Variants in GPHN observed in about 807,000 individuals in gnomAD.
GPHN encodes the protein gephyrin.
In GPHN, 17 loss-of-function variants were observed where a neutral mutation model predicts 95.5. That is an observed-to-expected ratio of 0.18 (90% confidence interval 0.12 to 0.27). The LOEUF is 0.27. Among genes scored for constraint, GPHN ranks in the 10% least tolerant of loss-of-function variants. The pLI is 1.00. For synonymous variants in GPHN, 320 were observed against 322.5 expected (o/e 0.99, Z 0.08); for missense variants, 660 against 978.1 (o/e 0.67, Z 4.34).
intron 4 of GPHN, among the ~76,000 whole-genome samples, chr14:66,844,485 T>C (rs2062234739): frequency 6.6e-6 from 1 of 152,100 alleles, no homozygotes; most frequent in Admixed American, 6.5e-5. Context: ...TATAGAGATT[T>C]GAAGTGTTTT....
intron 8 of GPHN, among the ~76,000 whole-genome samples, chr14:66,937,572 G>A (rs2067199029): frequency 1.3e-5 from 2 of 151,958 alleles, no homozygotes; most frequent in Non-Finnish European, 2.9e-5. Context: ...TACAGACAGG[G>A]TTTCACCATG....
the GPHN span, among the ~76,000 whole-genome samples, chr14:67,306,932 T>A: frequency 8.5e-5 from 13 of 152,232 alleles, no homozygotes; most frequent in African/African-American, 3.1e-4. Context: ...CAGCAGCAGA[T>A]ATCTTCCTGA....
chr14:66,741,929 C>T (rs1040281982), intron 2 of GPHN, among the ~76,000 whole-genome samples: 1 of 152,176 alleles, frequency 6.6e-6, no homozygotes, highest in African/African-American at 2.4e-5. Flanking sequence ...TTCCACCTTA[C>T]TGTCCTTTCT....
chr14:67,033,048 A>G (rs2074263037), intron 10 of GPHN, among the ~76,000 whole-genome samples: 1 of 152,200 alleles, frequency 6.6e-6, no homozygotes, highest in South Asian at 2.1e-4. Flanking sequence ...CAATGAATGG[A>G]CAAAATGAAG....
chr14:66,609,107 T>C (rs2140918982), intron 1 of GPHN, among the ~76,000 whole-genome samples: 1 of 152,304 alleles, frequency 6.6e-6, no homozygotes, highest in East Asian at 1.9e-4. Context: ...TGTGTTTTTG[T>C]GGTATCAGAT....
intron 9 of GPHN, among the ~76,000 whole-genome samples, chr14:66,968,335 T>C (rs2052237722): frequency 6.6e-6 from 1 of 152,016 alleles, no homozygotes; most frequent in Non-Finnish European, 1.5e-5. Context: ...CTGAGGCATA[T>C]GTGAGACAAC....
At chr14:67,426,539 T>C in the GPHN span, among the ~76,000 whole-genome samples, 1 of 152,106 alleles carries the variant, frequency 6.6e-6, no homozygotes, top group Non-Finnish European at 1.5e-5. Flanking sequence ...GGCTGCCGGG[T>C]TCGGGGGACA....
chr14:67,395,437 TC>T, the GPHN span: 1 of 1,613,970 alleles, frequency 6.2e-7, no homozygotes, highest in Non-Finnish European at 8.5e-7. Context: ...TGAAGGAGTT[TC>T]TCAGGCTGTG....
chr14:67,014,326 C>T (rs1454949433), intron 9 of GPHN, among the ~76,000 whole-genome samples: 4 of 152,072 alleles, frequency 2.6e-5, no homozygotes, highest in South Asian at 2.1e-4. Flanking sequence ...TTCACTTATA[C>T]GTGAAGTTAT....
At chr14:67,647,194 G>A in the GPHN span, 1 of 514,666 alleles carries the variant, frequency 1.9e-6, no homozygotes, top group South Asian at 3.2e-5. Context: ...TCTTCCTCTG[G>A]GGTTTTTGGG....
chr14:67,470,760 C>T, the GPHN span: 6 of 152,532 alleles, frequency 3.9e-5, no homozygotes, highest in African/African-American at 9.7e-5. Flanking sequence ...AGCAGATGTC[C>T]GAAGCAGTTC....
chr14:67,221,406 A>G, the GPHN span, among the ~76,000 whole-genome samples: 2 of 152,174 alleles, frequency 1.3e-5, no homozygotes, highest in Non-Finnish European at 2.9e-5. Context: ...GACCTTATTT[A>G]TTTACACGGC....
chr14:67,349,559 G>C, the GPHN span, among the ~76,000 whole-genome samples: 7 of 152,188 alleles, frequency 4.6e-5, no homozygotes, highest in Non-Finnish European at 1.0e-4. Context: ...TCCTGGCAGG[G>C]TGCGATAGCT....
the GPHN span, chr14:67,203,037 G>C: frequency 1.3e-6 from 2 of 1,556,104 alleles, no homozygotes; most frequent in Non-Finnish European, 8.7e-7. Context: ...AGGCAAGCAA[G>C]GTTGTCAAAG....
At chr14:66,742,749 CTTGTTT>C (rs1426389909) in intron 2 of GPHN, among the ~76,000 whole-genome samples, 3 of 151,836 alleles carry the variant, frequency 2.0e-5, no homozygotes, top group African/African-American at 4.8e-5. Context: ...TTTTGTTCTT[CTTGTTT>C]TTGTTTTTGT....
At chr14:67,473,288 T>A in the GPHN span, 1 of 1,285,806 alleles carries the variant, frequency 7.8e-7, no homozygotes, top group East Asian at 2.3e-5. The surrounding 1 kb of genome is among the most constrained non-coding windows in gnomAD (Gnocchi z 6.5). Context: ...GTTAGGGGGC[T>A]CTGTGTGCCC....
the GPHN span, chr14:67,387,204 C>G: frequency 2.4e-6 from 2 of 837,962 alleles, no homozygotes; most frequent in Admixed American, 6.1e-5. Context: ...CTCTTGGCAG[C>G]ATTCACTCTC....
At chr14:67,392,340 A>T in the GPHN span, 1 of 1,606,812 alleles carries the variant, frequency 6.2e-7, no homozygotes, top group Non-Finnish European at 8.5e-7. Context: ...TTGGCCAGGT[A>T]GCCTTGTTTC....
intron 18 of GPHN, among the ~76,000 whole-genome samples, chr14:67,154,848 A>G (rs2081495280): frequency 6.6e-6 from 1 of 152,144 alleles, no homozygotes; most frequent in Admixed American, 6.5e-5. Context: ...ACTATGTAAA[A>G]TTTTTTAAAG....
Sources: allele counts gnomAD v4.1 joint callset (sites outside exome capture counted in the v4.1 genomes callset), GRCh38; gene constraint gnomAD v4.1.1; non-coding constraint Gnocchi (gnomAD v3.1); transcripts MANE v1.5; gene names NCBI Gene and HGNC (gene_info 2026-07-23, HGNC 2026-07-21).